The following NEO1 variants were observed in gnomAD, a reference collection of about 807,000 sequenced individuals.
NEO1 encodes the protein neogenin 1.
A neutral mutation model predicts 159.7 loss-of-function variants in NEO1; 63 were observed. That is an observed-to-expected ratio of 0.39 (90% CI 0.32 to 0.49). The LOEUF is 0.49. Among genes scored for constraint, NEO1 ranks in the 20% least tolerant of loss-of-function variants. NEO1 has a pLI of 0.85. For synonymous variants in NEO1, 633 were observed against 662.0 expected (o/e 0.96, Z 0.67); for missense variants, 1,615 against 1,831.0 (o/e 0.88, Z 2.15).
intron 1 of NEO1, among the ~76,000 whole-genome samples, chr15:73,077,661 T>C (rs2068839376): frequency 6.6e-6 from 1 of 152,214 alleles, no homozygotes; most frequent in African/African-American, 2.4e-5. Flanking sequence ...ATTTATTCAT[T>C]CAACAAGCAT....
At chr15:73,233,099 T>A (rs2038997210) in intron 7 of NEO1, among the ~76,000 whole-genome samples, 1 of 152,292 alleles carries the variant, frequency 6.6e-6, no homozygotes, top group Admixed American at 6.5e-5. Context: ...ATCTACATCA[T>A]CTTGCCATTG....
chr15:73,217,705 G>C (rs2037979361), intron 7 of NEO1, among the ~76,000 whole-genome samples: 1 of 152,156 alleles, frequency 6.6e-6, no homozygotes, highest in African/African-American at 2.4e-5. Context: ...GTGAATGGGA[G>C]TTCACTCATG....
At chr15:73,273,431 G>C (rs1310791655) in intron 19 of NEO1, among the ~76,000 whole-genome samples, 1 of 152,298 alleles carries the variant, frequency 6.6e-6, no homozygotes, top group East Asian at 1.9e-4. Context: ...ATCATGACTT[G>C]ACTTGGATTA....
At chr15:73,150,938 G>A (rs1231236670) in intron 5 of NEO1, among the ~76,000 whole-genome samples, 2 of 152,176 alleles carry the variant, frequency 1.3e-5, no homozygotes, top group Non-Finnish European at 2.9e-5. Context: ...AAAGCATAAC[G>A]TATTTGAGGT....
chr15:73,257,416 T>C (rs931521207), intron 13 of NEO1, among the ~76,000 whole-genome samples: 10 of 152,170 alleles, frequency 6.6e-5, no homozygotes, highest in Non-Finnish European at 1.2e-4. Flanking sequence ...TATCTGGATT[T>C]ATTCATTTAA....
At chr15:73,056,612 G>C (rs1183475477) in intron 1 of NEO1, among the ~76,000 whole-genome samples, 1 of 152,102 alleles carries the variant, frequency 6.6e-6, no homozygotes, top group Non-Finnish European at 1.5e-5. Flanking sequence ...TCCTTTATAT[G>C]ATGGCCCTTC....
chr15:73,163,757 A>G (rs2034356976), intron 5 of NEO1, among the ~76,000 whole-genome samples: 1 of 152,106 alleles, frequency 6.6e-6, no homozygotes, highest in African/African-American at 2.4e-5. Flanking sequence ...CCTATACTAC[A>G]CTTTGATTGG....
intron 7 of NEO1, chr15:73,221,750 C>T (rs2038281930): frequency 6.4e-6 from 1 of 155,722 alleles, no homozygotes; most frequent in Non-Finnish European, 1.4e-5. Flanking sequence ...GGGATATAAT[C>T]TCCTGGTGCG....
At chr15:73,210,792 T>C (rs1678245) in intron 7 of NEO1, among the ~76,000 whole-genome samples, 14,943 of 152,176 alleles carry the variant, frequency 0.098, 1,001 homozygotes, top group African/African-American at 0.18. Flanking sequence ...AAGTCTTTAT[T>C]TTCATGTAAA....
chr15:73,224,652 C>G (rs1249286519), intron 7 of NEO1, among the ~76,000 whole-genome samples: 3 of 152,078 alleles, frequency 2.0e-5, no homozygotes, highest in Non-Finnish European at 4.4e-5. Flanking sequence ...TCCAATGTTT[C>G]CAGAATTTTT....
chr15:73,131,572 T>C (rs554405090), intron 4 of NEO1, among the ~76,000 whole-genome samples: 1 of 152,360 alleles, frequency 6.6e-6, no homozygotes, highest in African/African-American at 2.4e-5. Flanking sequence ...GAAGGCACCA[T>C]GTGCCTTATT....
At chr15:73,233,646 C>T (rs2039028036) in intron 7 of NEO1, among the ~76,000 whole-genome samples, 1 of 152,044 alleles carries the variant, frequency 6.6e-6, no homozygotes, top group Admixed American at 6.6e-5. Context: ...TGCTGGATGC[C>T]GTTAAAGAGT....
intron 26 of NEO1, 71 bp downstream of exon 26, chr15:73,293,619 T>C (rs1297853106): frequency 6.7e-7 from 1 of 1,493,358 alleles, no homozygotes; most frequent in Non-Finnish European, 9.1e-7. Flanking sequence ...GGGGAAGGAC[T>C]TGCCCTACTT....
intron 14 of NEO1, among the ~76,000 whole-genome samples, chr15:73,259,696 G>A (rs529254528): frequency 5.3e-5 from 8 of 152,228 alleles, no homozygotes; most frequent in African/African-American, 1.9e-4. Flanking sequence ...CTTATGCCCT[G>A]AAAACAGTGT....
intron 1 of NEO1, among the ~76,000 whole-genome samples, chr15:73,105,243 G>A (rs376223905): frequency 9.9e-5 from 15 of 152,252 alleles, no homozygotes; most frequent in African/African-American, 3.1e-4. Context: ...CCAAACAAAT[G>A]TCCACTGTTT....
chr15:73,272,363 C>G, intron 18 of NEO1, 92 bp from the exon 19 acceptor site: 1 of 831,720 alleles, frequency 1.2e-6, no homozygotes, highest in East Asian at 2.7e-5. Context: ...TGCCTTGTGC[C>G]CTTTATTTTG....
chr15:73,080,508 T>C (rs1021606371), intron 1 of NEO1, among the ~76,000 whole-genome samples: 16 of 146,978 alleles, frequency 1.1e-4, no homozygotes, highest in Non-Finnish European at 2.4e-4. Context: ...ATTTGCAAAA[T>C]TGAAAAATTT....
intron 1 of NEO1, among the ~76,000 whole-genome samples, chr15:73,062,828 C>T (rs2068041570): frequency 6.6e-6 from 1 of 152,144 alleles, no homozygotes; most frequent in Non-Finnish European, 1.5e-5. Flanking sequence ...GAAATGTCAG[C>T]AGAACATCCC....
intron 1 of NEO1, among the ~76,000 whole-genome samples, chr15:73,053,094 A>G (rs2067536679): frequency 6.6e-6 from 1 of 152,088 alleles, no homozygotes; most frequent in African/African-American, 2.4e-5. Context: ...CCCCTCCCCC[A>G]GGCTCATCCC....
Sources: gnomAD v4.1 joint callset for allele counts (sites outside exome capture counted in the v4.1 genomes callset) on GRCh38, gnomAD v4.1.1 for gene constraint, MANE v1.5 for transcripts, NCBI Gene and HGNC (gene_info 2026-07-23, HGNC 2026-07-21) for gene names.